Variants in AGTPBP1 observed in about 807,000 individuals in gnomAD.
AGTPBP1 encodes the protein ATP/GTP binding carboxypeptidase 1.
A neutral mutation model predicts 143.9 loss-of-function variants in AGTPBP1; 70 were observed. The ratio of observed to expected loss-of-function variants is 0.49; its 90% CI spans 0.40 to 0.59. AGTPBP1 has a LOEUF of 0.59. Ranked by LOEUF, AGTPBP1 falls within the 20% of genes least tolerant of loss-of-function variation. AGTPBP1 has a pLI of 0.00. For synonymous variants in AGTPBP1, 463 were observed against 500.2 expected, an observed-to-expected ratio of 0.93 and a Z score of 0.99; for missense variants, 1,229 against 1,464.5, an observed-to-expected ratio of 0.84 and a Z score of 2.62.
At chr9:85,674,453 G>A (rs1834696884) in intron 6 of AGTPBP1, among the ~76,000 whole-genome samples, 1 of 151,920 alleles carries the variant, frequency 6.6e-6, no homozygotes, top group South Asian at 2.1e-4. Context: ...AGATAACCTA[G>A]TTCTAATTAG....
intron 7 of AGTPBP1, among the ~76,000 whole-genome samples, chr9:85,671,928 A>G (rs1178411597): frequency 1.3e-5 from 2 of 152,158 alleles, no homozygotes; most frequent in Non-Finnish European, 2.9e-5. Context: ...GTGACAGTCT[A>G]AAGAGGCACA....
intron 14 of AGTPBP1, among the ~76,000 whole-genome samples, chr9:85,629,953 CT>C (rs1391390890): frequency 6.6e-6 from 1 of 152,152 alleles, no homozygotes; most frequent in African/African-American, 2.4e-5. Flanking sequence ...TTCTACAATC[CT>C]TCTTCCTTCT....
chr9:85,661,061 TC>T (rs1833826893), intron 8 of AGTPBP1, 88 bp from the exon 9 acceptor site: 2 of 1,149,520 alleles, frequency 1.7e-6, no homozygotes, highest in Admixed American at 5.5e-5. Context: ...TTTCAATAAG[TC>T]ATTATTCTAT....
At position 85,632,953 on chromosome 9, in the gene AGTPBP1, G is replaced by A. The variant is rs772951175; in HGVS notation, c.1724C>T (p.Ala575Val). 3 of 1,614,126 alleles carry A rather than the reference G, an allele frequency of 1.9e-6. No homozygotes were observed. In the East Asian group the frequency reaches 6.7e-5, roughly 36 times the overall value. ...LTCAKACPHMATCGNVLFEGR... is the reference protein window; with the variant it reads ...LTCAKACPHMVTCGNVLFEGR... ...CTCAAACAGAACATTTCCACAAGTA[G>A]CCATGTGTGGACATGCTTTAGCACA... The change falls in exon 14 of 26, where the codon GCT becomes GTT. Residue 575 changes from alanine to valine, a missense_variant. Coordinates refer to ENST00000357081, the MANE Select transcript of AGTPBP1 (RefSeq NM_001330701.2).
chr9:85,632,728 T>C lies in AGTPBP1; in HGVS notation c.1949A>G (p.Asp650Gly). 1 of 1,614,100 alleles carries C rather than the reference T, an allele frequency of 6.2e-7. No homozygotes were observed. Among genetic ancestry groups the C allele is most frequent in the Non-Finnish European group, 8.5e-7 (1 of 1,179,974 alleles). The change falls in exon 14 of 26, where the codon GAT becomes GGT. Residue 650 changes from aspartate to glycine, a missense_variant. By Grantham distance (94) the Asp-to-Gly change is moderately conservative. Around this residue, in one of 2 missense-constraint regions of AGTPBP1, gnomAD observed 743 missense variants for 812.2 expected, o/e 0.91. Coordinates refer to ENST00000357081, the MANE Select transcript of AGTPBP1 (RefSeq NM_001330701.2). ...TGGAGGCGGAATGTGACCAAAATAA[T>C]CGGGATAAGCCACCTCTGAATATTC... ...VPEYSEVAYP[D>G]YFGHIPPPFK...
chr9:85,666,577 A>G (rs1834147439), intron 8 of AGTPBP1, among the ~76,000 whole-genome samples: 1 of 152,150 alleles, frequency 6.6e-6, no homozygotes, highest in East Asian at 1.9e-4. Context: ...AAATAGAAAA[A>G]TAATGCATAA....
intron 2 of AGTPBP1, among the ~76,000 whole-genome samples, chr9:85,703,212 C>T (rs1836781629): frequency 1.3e-5 from 2 of 152,138 alleles, no homozygotes; most frequent in South Asian, 2.1e-4. Flanking sequence ...CTGTTTAGTC[C>T]TCCTAGTTTT....
the AGTPBP1 span, among the ~76,000 whole-genome samples, chr9:85,780,959 A>G: frequency 6.6e-6 from 1 of 152,130 alleles, no homozygotes; most frequent in Non-Finnish European, 1.5e-5. Context: ...TACTAAAAAT[A>G]CAAAAAAATT....
intron 2 of AGTPBP1, among the ~76,000 whole-genome samples, chr9:85,700,311 C>T (rs1266936798): frequency 4.6e-5 from 7 of 152,124 alleles, no homozygotes; most frequent in Non-Finnish European, 8.8e-5. Flanking sequence ...CAGTGCAAGT[C>T]AGCAGGAGAC....
intron 6 of AGTPBP1, 112 bp from the exon 7 acceptor site, chr9:85,672,793 G>A: frequency 1.3e-6 from 1 of 790,332 alleles, no homozygotes; most frequent in Non-Finnish European, 1.8e-6. Context: ...GGAGTGCAGT[G>A]GCTCCATCTC....
At position 85,551,947 on chromosome 9, in the gene AGTPBP1, C is replaced by T. The variant is rs80058157; in HGVS notation, c.3504-4661G>A. On this transcript the variant is annotated intron_variant, in intron 25 of 25. Transcript: ENST00000357081. ...TCTTGTCATGATTACTTTGTTTTAACGCCACTGTTTCCTTGCTTCCCCCAT... is the reference window on the plus strand; with the variant it reads ...TCTTGTCATGATTACTTTGTTTTAATGCCACTGTTTCCTTGCTTCCCCCAT... 1.5e-3 allele frequency among the ~76,000 whole-genome samples: 226 copies of T among 152,262 alleles called. 6 individuals carry two copies. In the East Asian group the frequency reaches 0.038, roughly 25 times the overall value.
At chr9:85,673,992 G>A (rs146722638) in intron 6 of AGTPBP1, among the ~76,000 whole-genome samples, 2,537 of 151,470 alleles carry the variant, frequency 0.017, 27 homozygotes, top group Middle Eastern at 0.054. Context: ...GCGTGGTGGC[G>A]GGCGCCTGCA....
Position 85,588,481 on chromosome 9 carries a change from A to G in AGTPBP1, c.2723-3T>C. On this transcript the variant is annotated splice_polypyrimidine_tract_variant and splice_region_variant and intron_variant, in intron 20 of 25. Transcript: ENST00000357081. The stretch of plus-strand genomic sequence containing the variant: ...CAAGAAAACGTAAGGGCGATTTCCT[A>G]AAGTACACATAAAATCTCAAATTAA... The G allele has an allele frequency of 6.2e-7, 1 of 1,608,478 alleles. No individual in the cohort carries two copies.
intron 1 of AGTPBP1, among the ~76,000 whole-genome samples, chr9:85,737,937 C>A (rs1356892597): frequency 6.6e-6 from 1 of 152,152 alleles, no homozygotes; most frequent in African/African-American, 2.4e-5. Context: ...TCAACCCAAA[C>A]AACATATTGC....
chr9:85,550,054 G>A (rs955205732), intron 25 of AGTPBP1, among the ~76,000 whole-genome samples: 1 of 152,170 alleles, frequency 6.6e-6, no homozygotes, highest in East Asian at 1.9e-4. Context: ...GAAGTATACA[G>A]CACACATCGA....
At chr9:85,771,790 G>A in the AGTPBP1 span, among the ~76,000 whole-genome samples, 31,951 of 148,890 alleles carry the variant, frequency 0.21, 4,428 homozygotes, top group South Asian at 0.46. Flanking sequence ...TAGCTGGGAC[G>A]ACAAGTGCCC....
chr9:85,710,698 AC>A (rs556998095), intron 2 of AGTPBP1, among the ~76,000 whole-genome samples: 48 of 147,252 alleles, frequency 3.3e-4, no homozygotes, highest in Non-Finnish European at 6.6e-4. Context: ...AACAACAACA[AC>A]AAAAAAAACA....
At chr9:85,648,734 C>A (rs1484341689) in intron 11 of AGTPBP1, among the ~76,000 whole-genome samples, 2 of 152,056 alleles carry the variant, frequency 1.3e-5, no homozygotes, top group African/African-American at 4.8e-5. Context: ...ATGGCGTGAA[C>A]CCGGGAGGTG....
At chr9:85,681,164 T>A (rs1835146016) in intron 4 of AGTPBP1, 104 bp downstream of exon 4, 1 of 989,890 alleles carries the variant, frequency 1.0e-6, no homozygotes, top group African/African-American at 1.6e-5. Context: ...TATATGTACG[T>A]GTGTATGTGT....
Sources: gnomAD v4.1 joint callset for allele counts (sites outside exome capture counted in the v4.1 genomes callset) on GRCh38, gnomAD v4.1.1 for gene constraint, gnomAD v4.1.1 regional missense constraint, MANE v1.5 for transcripts, NCBI Gene and HGNC (gene_info 2026-07-23, HGNC 2026-07-21) for gene names.